The following APBA1 variants were observed in gnomAD, a reference collection of about 807,000 sequenced individuals.
The protein encoded by APBA1 is amyloid-beta A4 precursor protein-binding family A member 1.
APBA1 carries 55 observed loss-of-function variants against 86.6 expected under a neutral mutation model. The observed-to-expected ratio is 0.64, with a 90% CI of 0.51 to 0.80. The LOEUF (loss-of-function observed/expected upper bound fraction) is 0.80, where lower values mean the gene tolerates loss of function less well. Among genes scored for constraint, APBA1 ranks in the 30% least tolerant of loss-of-function variants. The pLI is 0.00. For synonymous variants in APBA1, 511 were observed against 493.9 expected, an observed-to-expected ratio of 1.03 and a Z score of -0.46; for missense variants, 1,090 against 1,183.0, an observed-to-expected ratio of 0.92 and a Z score of 1.15.
intron 2 of APBA1, among the ~76,000 whole-genome samples, chr9:69,497,160 A>G (rs1346808599): frequency 6.6e-6 from 1 of 151,914 alleles, no homozygotes; most frequent in African/African-American, 2.4e-5. Flanking sequence ...AACCTACTTA[A>G]TTATTCACCA....
At chr9:69,538,841 G>C (rs1013764235) in intron 1 of APBA1, among the ~76,000 whole-genome samples, 2 of 152,130 alleles carry the variant, frequency 1.3e-5, no homozygotes, top group Admixed American at 1.3e-4. Context: ...GTTCCCTTCT[G>C]TTCTGTCTTA....
At chr9:69,440,495 C>A (rs1313633061) in intron 11 of APBA1, among the ~76,000 whole-genome samples, 2 of 151,986 alleles carry the variant, frequency 1.3e-5, no homozygotes, top group African/African-American at 4.8e-5. Context: ...GGTGCCCCTC[C>A]CCCAGCCTCG....
chr9:69,653,649 G>A (rs1453720479), intron 1 of APBA1, among the ~76,000 whole-genome samples: 1 of 152,004 alleles, frequency 6.6e-6, no homozygotes, highest in African/African-American at 2.4e-5. Flanking sequence ...AATAACAGAA[G>A]GAACTTTGGA....
chr9:69,619,942 A>G (rs1321491080), intron 1 of APBA1, among the ~76,000 whole-genome samples: 2 of 152,224 alleles, frequency 1.3e-5, no homozygotes, highest in African/African-American at 4.8e-5. Flanking sequence ...AAAAATTTGT[A>G]TTCTCGGTTT....
chr9:69,525,474 G>A (rs1007833986), intron 1 of APBA1, among the ~76,000 whole-genome samples: 2 of 151,812 alleles, frequency 1.3e-5, no homozygotes, highest in Non-Finnish European at 2.9e-5. Context: ...ACTCAATTCC[G>A]TTTCAAATAC....
At chr9:69,454,395 A>G (rs888629703) in intron 8 of APBA1, among the ~76,000 whole-genome samples, 1 of 152,228 alleles carries the variant, frequency 6.6e-6, no homozygotes, top group Admixed American at 6.5e-5. Flanking sequence ...TGGTGAATAC[A>G]CTGGCTACTG....
intron 1 of APBA1, among the ~76,000 whole-genome samples, chr9:69,633,948 A>G (rs1823101624): frequency 6.6e-6 from 1 of 152,236 alleles, no homozygotes; most frequent in Non-Finnish European, 1.5e-5. Context: ...TAAGAAAGTT[A>G]TTCAGTAAAT....
At chr9:69,521,594 A>G (rs1340464113) in intron 1 of APBA1, among the ~76,000 whole-genome samples, 1 of 152,204 alleles carries the variant, frequency 6.6e-6, no homozygotes, top group Non-Finnish European at 1.5e-5. Context: ...AGTAAACAAG[A>G]TAACTTCATA....
intron 1 of APBA1, among the ~76,000 whole-genome samples, chr9:69,654,945 AG>A (rs1179815015): frequency 9.8e-5 from 15 of 152,362 alleles, no homozygotes; most frequent in African/African-American, 3.4e-4. Context: ...AACAGAATCA[AG>A]GGTAAAAACC....
chr9:69,567,572 C>T (rs182745259), intron 1 of APBA1, among the ~76,000 whole-genome samples: 3 of 152,058 alleles, frequency 2.0e-5, no homozygotes, highest in Admixed American at 6.6e-5. Flanking sequence ...ATCCCTCCCC[C>T]CTCCACAACC....
intron 1 of APBA1, among the ~76,000 whole-genome samples, chr9:69,542,837 C>A (rs1836636517): frequency 6.6e-6 from 1 of 152,164 alleles, no homozygotes; most frequent in African/African-American, 2.4e-5. Context: ...TACAGAAGGA[C>A]AGTATTTCAC....
chr9:69,539,930 C>A (rs1047577443), intron 1 of APBA1, among the ~76,000 whole-genome samples: 1 of 152,080 alleles, frequency 6.6e-6, no homozygotes, highest in Admixed American at 6.5e-5. Context: ...ACCAGCCTGG[C>A]CAATGTGGTG....
intron 1 of APBA1, among the ~76,000 whole-genome samples, chr9:69,600,059 AG>A (rs1275450490): frequency 6.6e-6 from 1 of 152,178 alleles, no homozygotes; most frequent in African/African-American, 2.4e-5. Context: ...TAAGGGGAGC[AG>A]CTGCTATACT....
At chr9:69,616,447 A>C (rs750292364) in intron 1 of APBA1, among the ~76,000 whole-genome samples, 1 of 152,208 alleles carries the variant, frequency 6.6e-6, no homozygotes, top group South Asian at 2.1e-4. Context: ...GCTCAAAACC[A>C]TGCGAACTGG....
chr9:69,510,245 A>G (rs1251528168), intron 2 of APBA1, among the ~76,000 whole-genome samples: 261 of 151,580 alleles, frequency 1.7e-3, no homozygotes, highest in African/African-American at 5.8e-3. Flanking sequence ...AAATCAATGT[A>G]TAAAAATCAC....
At chr9:69,645,285 C>T (rs1823370377) in intron 1 of APBA1, among the ~76,000 whole-genome samples, 1 of 152,154 alleles carries the variant, frequency 6.6e-6, no homozygotes, top group South Asian at 2.1e-4. Flanking sequence ...TAACTTTGTC[C>T]AAGCCACAGA....
At chr9:69,628,369 C>G (rs1375431612) in intron 1 of APBA1, among the ~76,000 whole-genome samples, 2 of 152,136 alleles carry the variant, frequency 1.3e-5, no homozygotes, top group Non-Finnish European at 2.9e-5. Context: ...TTGTTTTAAG[C>G]TGCTAAATTT....
intron 5 of APBA1, 137 bp downstream of exon 5, chr9:69,467,686 T>C: frequency 8.4e-7 from 1 of 1,190,300 alleles, no homozygotes; most frequent in Non-Finnish European, 1.2e-6. Flanking sequence ...AGCAGGCACA[T>C]GGATAAGCAC....
chr9:69,437,503 TGGGA>T (rs1311300295), intron 11 of APBA1, among the ~76,000 whole-genome samples: 47 of 114,932 alleles, frequency 4.1e-4, no homozygotes, highest in African/African-American at 1.5e-3. Flanking sequence ...GGTTTAGTCT[TGGGA>T]GGGTGTATGT....
Sources: allele counts gnomAD v4.1 joint callset (sites outside exome capture counted in the v4.1 genomes callset), GRCh38; gene constraint gnomAD v4.1.1; transcripts MANE v1.5; gene names NCBI Gene and HGNC (gene_info 2026-07-23, HGNC 2026-07-21).